NUBPL: variants seen among roughly 807,000 people sequenced by gnomAD.
NUBPL encodes NUBP iron-sulfur cluster assembly factor, mitochondrial, also known as iron-sulfur cluster transfer protein NUBPL.
NUBPL carries 31 observed loss-of-function variants against 45.7 expected under a neutral mutation model. The observed-to-expected ratio is 0.68, with a 90% CI of 0.51 to 0.92. The LOEUF is 0.92. Among genes scored for constraint, NUBPL ranks in the 40% least tolerant of loss-of-function variants. The pLI, the probability that NUBPL is intolerant of heterozygous loss-of-function variation, is 0.00. For missense variants in NUBPL, 401 were observed against 398.7 expected (o/e 1.01, Z -0.05); for synonymous variants, 144 against 140.9 (o/e 1.02, Z -0.15).
chr14:31,746,796 A>G lies in NUBPL; in HGVS notation c.514-40984A>G, dbSNP rs150538286. On this transcript the variant is annotated intron_variant, in intron 6 of 10. Transcript: ENST00000281081. ...CTTCTTTAAGAGTTTGAGGCCGAGCATGGTGGCTAACACCTGTAATCCTAG... is the reference window on the plus strand; with the variant it reads ...CTTCTTTAAGAGTTTGAGGCCGAGCGTGGTGGCTAACACCTGTAATCCTAG... 2.4e-3 allele frequency among the ~76,000 whole-genome samples: 362 copies of G among 152,002 alleles called. 12 individuals are homozygous for G. The highest frequency in any genetic ancestry group is 8.4e-3 in the African/African-American group (346 of 41,340).
chr14:31,853,834 TAGAATTC>T (rs2040577786), intron 10 of NUBPL, among the ~76,000 whole-genome samples: 4 of 152,162 alleles, frequency 2.6e-5, no homozygotes, highest in Admixed American at 2.6e-4. Context: ...AGGCGATATT[TAGAATTC>T]AGAACCCCTA....
chr14:31,720,946 C>A (rs1363418178), intron 6 of NUBPL, among the ~76,000 whole-genome samples: 1 of 152,148 alleles, frequency 6.6e-6, no homozygotes, highest in African/African-American at 2.4e-5. Flanking sequence ...CCCTTGAATT[C>A]CTTCATAGTA....
intron 6 of NUBPL, among the ~76,000 whole-genome samples, chr14:31,721,036 G>A (rs1029824113): frequency 1.3e-5 from 2 of 152,094 alleles, no homozygotes; most frequent in Non-Finnish European, 1.5e-5. Context: ...TTCAAGATGC[G>A]TTTGTTGGCT....
intron 4 of NUBPL, among the ~76,000 whole-genome samples, chr14:31,602,361 C>T (rs1194976506): frequency 1.2e-4 from 16 of 138,370 alleles, no homozygotes; most frequent in African/African-American, 3.6e-4. Flanking sequence ...GCACATTGTG[C>T]ACATGTACCC....
At chr14:31,770,910 A>T (rs1385316758) in intron 6 of NUBPL, among the ~76,000 whole-genome samples, 2 of 152,180 alleles carry the variant, frequency 1.3e-5, no homozygotes, top group Non-Finnish European at 2.9e-5. Context: ...AATTTCTCTC[A>T]GTTGATTTCT....
At chr14:31,817,338 A>G (rs1324607179) in intron 7 of NUBPL, among the ~76,000 whole-genome samples, 3 of 152,156 alleles carry the variant, frequency 2.0e-5, no homozygotes, top group African/African-American at 4.8e-5. Flanking sequence ...CACTGCAAAG[A>G]TACCCCTTGA....
At chr14:31,625,785 G>A (rs2035190239) in intron 4 of NUBPL, among the ~76,000 whole-genome samples, 1 of 152,060 alleles carries the variant, frequency 6.6e-6, no homozygotes, top group Non-Finnish European at 1.5e-5. Flanking sequence ...TGCTATGTCT[G>A]AGGGGTTCAT....
intron 4 of NUBPL, among the ~76,000 whole-genome samples, chr14:31,608,835 C>G (rs778071633): frequency 6.6e-6 from 1 of 152,136 alleles, no homozygotes; most frequent in Non-Finnish European, 1.5e-5. Flanking sequence ...AGGCCACAGA[C>G]TGGTACTGGT....
intron 4 of NUBPL, among the ~76,000 whole-genome samples, chr14:31,635,951 A>T (rs1245471305): frequency 6.6e-6 from 1 of 152,148 alleles, no homozygotes; most frequent in Non-Finnish European, 1.5e-5. Flanking sequence ...GTATCCTGAG[A>T]CTTTGCTGAA....
chr14:31,672,007 A>G (rs185136302), intron 4 of NUBPL, among the ~76,000 whole-genome samples: 153 of 152,328 alleles, frequency 1.0e-3, no homozygotes, highest in African/African-American at 3.3e-3. Flanking sequence ...GAGAAGTAGG[A>G]TATGAAAGCA....
intron 6 of NUBPL, among the ~76,000 whole-genome samples, chr14:31,682,794 T>C (rs2036862561): frequency 6.6e-6 from 1 of 152,198 alleles, no homozygotes. Context: ...TCAGTCCATT[T>C]AGTGTTGCTA....
intron 1 of NUBPL, 146 bp downstream of exon 1, chr14:31,561,693 C>T: frequency 8.5e-6 from 5 of 589,752 alleles, no homozygotes; most frequent in South Asian, 5.6e-5. Flanking sequence ...TTCAGGCAGG[C>T]CCAGGCTGAG....
intron 7 of NUBPL, among the ~76,000 whole-genome samples, chr14:31,799,212 A>G (rs576016089): frequency 1.6e-4 from 24 of 152,180 alleles, no homozygotes; most frequent in Non-Finnish European, 2.9e-4. Flanking sequence ...TTAGCTAGAT[A>G]CAAGATACAA....
At chr14:31,828,664 T>A (rs2040142102) in intron 8 of NUBPL, among the ~76,000 whole-genome samples, 1 of 152,190 alleles carries the variant, frequency 6.6e-6, no homozygotes, top group Admixed American at 6.5e-5. Context: ...TCATTTGAGG[T>A]GACTGGCTGT....
chr14:31,821,852 C>A (rs1001389210), intron 7 of NUBPL, among the ~76,000 whole-genome samples: 11 of 152,186 alleles, frequency 7.2e-5, no homozygotes, highest in African/African-American at 2.7e-4. Flanking sequence ...TACCATTTAG[C>A]TTTGAAAAGA....
chr14:31,764,073 T>C (rs2038867482), intron 6 of NUBPL, among the ~76,000 whole-genome samples: 1 of 152,170 alleles, frequency 6.6e-6, no homozygotes, highest in African/African-American at 2.4e-5. Flanking sequence ...CACAGGCCTG[T>C]ATTGAGCCCT....
chr14:31,842,076 A>G (rs569541818), intron 8 of NUBPL, among the ~76,000 whole-genome samples: 11 of 150,494 alleles, frequency 7.3e-5, no homozygotes, highest in South Asian at 2.1e-4. Context: ...GACTACAGGC[A>G]CCCGCCACCA....
intron 7 of NUBPL, 89 bp from the exon 8 acceptor site, chr14:31,826,540 A>G (rs1337589966): frequency 2.4e-5 from 25 of 1,061,504 alleles, no homozygotes; most frequent in Non-Finnish European, 3.3e-5. Flanking sequence ...AACGTAATAG[A>G]CTATTTGCGT....
rs2035066908 is a variant in NUBPL, at chr14:31,621,680, C to T, written c.382+22301C>T. On this transcript the variant is annotated intron_variant, in intron 4 of 10. Coordinates refer to ENST00000281081, the MANE Select transcript of NUBPL (RefSeq NM_025152.3). Reference sequence around the variant, plus strand: ...ACCTCAGTTGGAAATGCAGAAATCACCCGCCTTCTGCGTCGATCTCGCTGG... The same window carrying T: ...ACCTCAGTTGGAAATGCAGAAATCATCCGCCTTCTGCGTCGATCTCGCTGG... Among the ~76,000 whole-genome samples, 8 of 152,322 alleles carry T rather than the reference C, an allele frequency of 5.3e-5. 1 individual carries two copies. In the South Asian group the frequency reaches 1.7e-3, roughly 32 times the overall value.
Sources: allele counts gnomAD v4.1 joint callset (sites outside exome capture counted in the v4.1 genomes callset), GRCh38; gene constraint gnomAD v4.1.1; transcripts MANE v1.5; gene names NCBI Gene and HGNC (gene_info 2026-07-23, HGNC 2026-07-21).